Variants in ZNF451 observed in about 807,000 individuals in gnomAD.
ZNF451 encodes E3 SUMO-protein ligase ZNF451.
Under a neutral mutation model 107.1 loss-of-function variants are expected in ZNF451, and 80 were observed. That is an observed-to-expected ratio of 0.75 (90% confidence interval 0.62 to 0.90). The LOEUF (loss-of-function observed/expected upper bound fraction) is 0.90. Ranked by LOEUF, ZNF451 falls within the 40% of genes least tolerant of loss-of-function variation. The pLI, the probability that ZNF451 is intolerant of heterozygous loss-of-function variation, is 0.00. For missense variants in ZNF451, 1,107 were observed against 1,236.2 expected (o/e 0.90, Z 1.57); for synonymous variants, 362 against 406.5 (o/e 0.89, Z 1.32).
chr6:57,126,408 A>G (rs1326161704), intron 4 of ZNF451: 2 of 152,108 alleles, frequency 1.3e-5, no homozygotes, highest in African/African-American at 2.4e-5. Flanking sequence ...CAACAACAAC[A>G]ACAAAAAACC....
Position 57,128,803 on chromosome 6 carries a change from A to G in ZNF451, c.387A>G (p.Ala129=). 6.2e-7 allele frequency: 1 copy of G among 1,613,174 alleles called. No homozygotes were observed. Among genetic ancestry groups the G allele is most frequent in the Non-Finnish European group, 8.5e-7 (1 of 1,179,450 alleles). ...EFIRGHSDTE[A]ARLCVDQWLK... is the part of the protein sequence containing the mutation. ...TTCGAGGACATTCTGATACAGAAGCAGCAAGACTGTGTGTGGACCAGTGGC... is the reference window on the plus strand; with the variant it reads ...TTCGAGGACATTCTGATACAGAAGCGGCAAGACTGTGTGTGGACCAGTGGC... Residue 129 remains alanine (A), a synonymous_variant, in exon 5 of 15, where the codon GCA becomes GCG. Coordinates refer to ENST00000370706, the MANE Select transcript of ZNF451 (RefSeq NM_001031623.3).
intron 10 of ZNF451, among the ~76,000 whole-genome samples, chr6:57,149,289 A>G (rs1368490501): frequency 6.6e-6 from 1 of 152,208 alleles, no homozygotes; most frequent in Non-Finnish European, 1.5e-5. Context: ...TTTCTTCCAT[A>G]TGATAGGATT....
chr6:57,135,011 A>C (rs951602271), intron 7 of ZNF451, 141 bp downstream of exon 7: 2 of 717,774 alleles, frequency 2.8e-6, no homozygotes, highest in East Asian at 5.6e-5. Context: ...ATTGAAAATA[A>C]AATGATTTGG....
At chr6:57,142,801 A>T (rs1593150059) in intron 9 of ZNF451, among the ~76,000 whole-genome samples, 1 of 152,304 alleles carries the variant, frequency 6.6e-6, no homozygotes, top group East Asian at 1.9e-4. Flanking sequence ...TATTAGTTTC[A>T]TTCCTACAGG....
rs745845412 is a variant in ZNF451, at chr6:57,148,706, A to G, written c.2608+13A>G. 3 of 1,560,980 alleles carry G rather than the reference A, an allele frequency of 1.9e-6. No homozygotes were observed. In the African/African-American group the frequency reaches 4.1e-5, roughly 21 times the overall value. ...TATCAGAATATAGGTATGGCTTTAT[A>G]GCTCTATGCAAATTTCATATACTGA... On this transcript the variant is annotated intron_variant, in intron 10 of 14. Transcript: ENST00000370706.
intron 3 of ZNF451, chr6:57,103,741 C>T: frequency 2.0e-6 from 2 of 985,326 alleles, no homozygotes; most frequent in Non-Finnish European, 2.4e-6. Context: ...GAATATGGCA[C>T]TGTTTTACGG....
chr6:57,137,518 G>A (rs554408410), intron 7 of ZNF451, among the ~76,000 whole-genome samples: 2 of 152,230 alleles, frequency 1.3e-5, no homozygotes, highest in South Asian at 2.1e-4. Context: ...CATTGCTGTC[G>A]TTCCTTGAGT....
rs145478260 is a variant in ZNF451, at chr6:57,095,811, T to G, written c.106-3250T>G. 5.8e-3 allele frequency among the ~76,000 whole-genome samples: 765 copies of G among 130,922 alleles called. 5 individuals are homozygous for G. Among genetic ancestry groups the G allele is most frequent in the Middle Eastern group, 0.033 (9 of 272 alleles). 85.9% of individuals were successfully genotyped at this position (130,922 alleles called of 152,430 possible). A position where few individuals can be genotyped will look rare whatever the true frequency, so the allele number is the denominator to read the frequency against. Reference sequence around the variant, plus strand: ...CCTTTAAATATTACTGCAGCTTTTTTTTTTTGTTGTTGTTGTTGTTGTTGT... The same window carrying G: ...CCTTTAAATATTACTGCAGCTTTTTGTTTTTGTTGTTGTTGTTGTTGTTGT... On this transcript the variant is annotated intron_variant, in intron 2 of 14. Coordinates refer to ENST00000370706, the MANE Select transcript of ZNF451 (RefSeq NM_001031623.3).
intron 7 of ZNF451, among the ~76,000 whole-genome samples, chr6:57,138,519 C>T (rs1332053408): frequency 1.3e-5 from 2 of 151,582 alleles, no homozygotes; most frequent in Non-Finnish European, 2.9e-5. Context: ...GCTTCAGCCT[C>T]CCAAAGTGCT....
At chr6:57,150,539 G>A (rs1412194964) in intron 10 of ZNF451, 180 bp from the exon 11 acceptor site, 2 of 490,340 alleles carry the variant, frequency 4.1e-6, no homozygotes, top group Admixed American at 3.9e-5. Flanking sequence ...ATTTTTATCT[G>A]ATTTAAGTGT....
At chr6:57,167,134 T>C (rs1331819556) in intron 14 of ZNF451, among the ~76,000 whole-genome samples, 2 of 152,150 alleles carry the variant, frequency 1.3e-5, no homozygotes, top group Non-Finnish European at 2.9e-5. Flanking sequence ...AGTTCAAAGA[T>C]TTTTATAACT....
chr6:57,123,177 TA>T (rs1830726870), intron 3 of ZNF451, among the ~76,000 whole-genome samples: 1 of 152,024 alleles, frequency 6.6e-6, no homozygotes. Flanking sequence ...CAAAAATAAA[TA>T]ATAAATCATT....
chr6:57,102,573 C>A (rs1593083947), intron 3 of ZNF451: 1 of 987,068 alleles, frequency 1.0e-6, no homozygotes, highest in Non-Finnish European at 1.2e-6. Context: ...TTTGACAGAT[C>A]TTCACAAAAT....
At chr6:57,106,799 A>T (rs753485840) in intron 3 of ZNF451, 1 of 985,296 alleles carries the variant, frequency 1.0e-6, no homozygotes, top group Non-Finnish European at 1.2e-6. Flanking sequence ...GTGGTTTATC[A>T]TAGTAGATAC....
In ZNF451 at chr6:57,109,518, G is replaced by A. The variant is rs929236746; in HGVS notation, c.186+10377G>A. The stretch of plus-strand genomic sequence containing the variant: ...GCCTGATGCAGATTTCCTTTTTGAA[G>A]TAATTGTGCTGTTTCTATTCATATT... On this transcript the variant is annotated intron_variant, in intron 3 of 14. Transcript: ENST00000370706. 6 of 985,266 alleles carry A rather than the reference G, an allele frequency of 6.1e-6. No homozygotes were observed. In the African/African-American group the frequency reaches 1.0e-4, roughly 17 times the overall value. The allele number at this position is 985,266 out of a possible 1,614,324, so 61.0% of individuals were successfully genotyped here.
At chr6:57,155,716 T>C (rs1347656574) in intron 13 of ZNF451, among the ~76,000 whole-genome samples, 1 of 152,116 alleles carries the variant, frequency 6.6e-6, no homozygotes, top group African/African-American at 2.4e-5. Flanking sequence ...GAGAGGTGAA[T>C]ACGAGTAGAC....
chr6:57,103,542 C>G (rs1175593825), intron 3 of ZNF451: 3 of 985,172 alleles, frequency 3.0e-6, no homozygotes, highest in Non-Finnish European at 3.6e-6. Context: ...GTATATCAGC[C>G]CTTAGATCCA....
intron 3 of ZNF451, chr6:57,100,663 T>C (rs1330869238): frequency 6.5e-7 from 1 of 1,549,464 alleles, no homozygotes; most frequent in South Asian, 1.2e-5. Context: ...GTGCTCTAGC[T>C]GCAATGTTCC....
intron 4 of ZNF451, among the ~76,000 whole-genome samples, chr6:57,126,015 C>T (rs1045871375): frequency 3.3e-5 from 5 of 152,046 alleles, no homozygotes; most frequent in Non-Finnish European, 4.4e-5. Context: ...TACTTTCCCT[C>T]AGATTTCCTA....
Sources: gnomAD v4.1 joint callset for allele counts (sites outside exome capture counted in the v4.1 genomes callset) on GRCh38, gnomAD v4.1.1 for gene constraint, MANE v1.5 for transcripts, NCBI Gene and HGNC (gene_info 2026-07-23, HGNC 2026-07-21) for gene names.